The following MACROD2 variants were observed in gnomAD, a reference collection of about 807,000 sequenced individuals.
The protein encoded by MACROD2 is mono-ADP ribosylhydrolase 2.
A neutral mutation model predicts 70.4 loss-of-function variants in MACROD2; 36 were observed. The ratio of observed to expected loss-of-function variants is 0.51; its 90% CI spans 0.39 to 0.68. The LOEUF is 0.68. Ranked by LOEUF, MACROD2 falls within the 30% of genes least tolerant of loss-of-function variation. The pLI is 0.00. For synonymous variants in MACROD2, 172 were observed against 178.8 expected (o/e 0.96, Z 0.30); for missense variants, 496 against 538.4 (o/e 0.92, Z 0.78).
At chr20:14,153,824 G>A (rs2055057025) in intron 3 of MACROD2, among the ~76,000 whole-genome samples, 1 of 152,084 alleles carries the variant, frequency 6.6e-6, no homozygotes, top group Non-Finnish European at 1.5e-5. Flanking sequence ...TTTAAATCAG[G>A]TTCATATAAC....
chr20:15,981,356 C>A (rs2066396493), intron 13 of MACROD2, among the ~76,000 whole-genome samples: 1 of 152,166 alleles, frequency 6.6e-6, no homozygotes, highest in African/African-American at 2.4e-5. Context: ...ACAACTAAGT[C>A]ATCTTACAGA....
intron 2 of MACROD2, among the ~76,000 whole-genome samples, chr20:14,049,045 C>T (rs2053519390): frequency 6.6e-6 from 1 of 151,942 alleles, no homozygotes. Flanking sequence ...TTTTATACTT[C>T]TTGATGTTTA....
intron 5 of MACROD2, among the ~76,000 whole-genome samples, chr20:14,788,211 G>A (rs2072398493): frequency 6.6e-6 from 1 of 152,026 alleles, no homozygotes; most frequent in Non-Finnish European, 1.5e-5. Flanking sequence ...AGATGGATGA[G>A]CAGACACATT....
At chr20:14,607,803 G>T (rs140076314) in intron 4 of MACROD2, among the ~76,000 whole-genome samples, 130 of 152,236 alleles carry the variant, frequency 8.5e-4, no homozygotes, top group African/African-American at 2.9e-3. Context: ...TTTTGTCTCT[G>T]AATTGAGAAG....
At chr20:15,893,095 C>G (rs1442495744) in intron 10 of MACROD2, 1 of 399,696 alleles carries the variant, frequency 2.5e-6, no homozygotes, top group Non-Finnish European at 4.4e-6. Flanking sequence ...CAAACACACT[C>G]ATGTTCAGAT....
chr20:15,228,487 CTTTTTTTTT>C (rs527508760), intron 5 of MACROD2, among the ~76,000 whole-genome samples: 6 of 117,984 alleles, frequency 5.1e-5, no homozygotes, highest in African/African-American at 2.0e-4. Context: ...TTCCTTCTTT[CTTTTTTTTT>C]TTTTTTTTTT....
chr20:14,576,636 G>T (rs1980619345), intron 4 of MACROD2, among the ~76,000 whole-genome samples: 1 of 152,156 alleles, frequency 6.6e-6, no homozygotes, highest in South Asian at 2.1e-4. Flanking sequence ...TGGATCCAAC[G>T]TAAATGTGTC....
intron 12 of MACROD2, 52 bp from the exon 13 acceptor site, chr20:15,967,501 T>A: frequency 7.0e-7 from 1 of 1,422,510 alleles, no homozygotes; most frequent in Non-Finnish European, 9.8e-7. Flanking sequence ...TGAAAGCTGC[T>A]CTGTTTCCAA....
intron 13 of MACROD2, among the ~76,000 whole-genome samples, chr20:15,982,303 A>G (rs1409843413): frequency 6.6e-6 from 1 of 152,224 alleles, no homozygotes; most frequent in Admixed American, 6.5e-5. Context: ...TAACTATAAA[A>G]TAATAGGACT....
At chr20:14,916,594 TA>T (rs778271707) in intron 5 of MACROD2, among the ~76,000 whole-genome samples, 3 of 152,040 alleles carry the variant, frequency 2.0e-5, no homozygotes, top group Non-Finnish European at 4.4e-5. Context: ...TTGAAATGGA[TA>T]AAAAATAAAA....
At chr20:14,014,992 GGTGGGGTTTTA>G (rs1411396685) in intron 2 of MACROD2, among the ~76,000 whole-genome samples, 11 of 147,526 alleles carry the variant, frequency 7.5e-5, no homozygotes, top group Non-Finnish European at 1.2e-4. Flanking sequence ...TTTTTGTAGA[GGTGGGGTTTTA>G]CCATGTTGCA....
chr20:15,442,140 G>C (rs2046503764), intron 7 of MACROD2, among the ~76,000 whole-genome samples: 2 of 151,982 alleles, frequency 1.3e-5, no homozygotes. Context: ...AATAAACATA[G>C]CCCTCTTCAA....
At chr20:14,337,755 T>C (rs2082964945) in intron 3 of MACROD2, 2 of 388,094 alleles carry the variant, frequency 5.2e-6, no homozygotes, top group Non-Finnish European at 9.1e-6. Context: ...TTGCAAACGC[T>C]AGAGGGGGCG....
At chr20:15,878,848 T>C (rs1473960536) in intron 9 of MACROD2, among the ~76,000 whole-genome samples, 1 of 152,152 alleles carries the variant, frequency 6.6e-6, no homozygotes, top group Non-Finnish European at 1.5e-5. Flanking sequence ...TAAAGCTAGC[T>C]TTTACCCAAA....
rs374464781 is a variant in MACROD2 at position 14,322,175 on chromosome 20, A to AATATATATATAT, written c.272-171289_272-171278dup. ...GACTTGTATCTTGATATTCTATTGA[A>AATATATATATAT]ATATATATATATATATATATATATA... On this transcript the variant is annotated intron_variant, in intron 3 of 17. Coordinates refer to ENST00000684519, the MANE Select transcript of MACROD2 (RefSeq NM_001351661.2). 6.9e-3 allele frequency among the ~76,000 whole-genome samples: 455 copies of AATATATATATAT among 66,344 alleles called. 19 individuals are homozygous for AATATATATATAT. Among genetic ancestry groups the AATATATATATAT allele is most frequent in the Middle Eastern group, 0.036 (4 of 112 alleles). 43.5% of individuals were successfully genotyped at this position (66,344 alleles called of 152,430 possible).
At chr20:15,009,905 C>T (rs533049738) in intron 5 of MACROD2, among the ~76,000 whole-genome samples, 2 of 151,958 alleles carry the variant, frequency 1.3e-5, no homozygotes, top group South Asian at 4.2e-4. Context: ...TCTTCTTTCC[C>T]AGATATATAA....
intron 5 of MACROD2, among the ~76,000 whole-genome samples, chr20:14,823,734 G>A (rs1283628484): frequency 6.6e-6 from 1 of 152,006 alleles, no homozygotes; most frequent in Non-Finnish European, 1.5e-5. Context: ...ACTGTAGTTG[G>A]GTGTAATACC....
At chr20:15,589,229 C>A (rs1351028636) in intron 8 of MACROD2, among the ~76,000 whole-genome samples, 2 of 152,114 alleles carry the variant, frequency 1.3e-5, no homozygotes, top group Admixed American at 6.6e-5. Flanking sequence ...AAGACTGGCC[C>A]CTATGATTCA....
intron 15 of MACROD2, among the ~76,000 whole-genome samples, chr20:16,034,231 T>TG (rs1479496945): frequency 6.6e-6 from 1 of 152,050 alleles, no homozygotes; most frequent in East Asian, 1.9e-4. Flanking sequence ...ATAATGCTGT[T>TG]GACTTCATTA....
Sources: allele counts gnomAD v4.1 joint callset (sites outside exome capture counted in the v4.1 genomes callset), GRCh38; gene constraint gnomAD v4.1.1; transcripts MANE v1.5; gene names NCBI Gene and HGNC (gene_info 2026-07-23, HGNC 2026-07-21).